AFTPH: variants seen among roughly 807,000 people sequenced by gnomAD.
AFTPH encodes the protein aftiphilin, also known as aftiphilin protein.
A neutral mutation model predicts 72.5 loss-of-function variants in AFTPH; 7 were observed. The observed-to-expected ratio is 0.10, with a 90% CI of 0.05 to 0.18. The LOEUF (loss-of-function observed/expected upper bound fraction) is 0.18, where lower values mean the gene tolerates loss of function less well. Ranked by LOEUF, AFTPH falls within the 10% of genes least tolerant of loss-of-function variation. The pLI is 1.00. For missense variants in AFTPH, 979 were observed against 1,060.5 expected, an observed-to-expected ratio of 0.92 and a Z score of 1.07; for synonymous variants, 337 against 370.1, an observed-to-expected ratio of 0.91 and a Z score of 1.03.
intron 1 of AFTPH, among the ~76,000 whole-genome samples, chr2:64,535,392 G>A (rs1010648697): frequency 6.6e-6 from 1 of 152,160 alleles, no homozygotes; most frequent in African/African-American, 2.4e-5. Context: ...AAAAAAACAT[G>A]GAAACAAATG....
chr2:64,528,261 C>T (rs1286341976), intron 1 of AFTPH, among the ~76,000 whole-genome samples: 1 of 152,140 alleles, frequency 6.6e-6, no homozygotes, highest in Non-Finnish European at 1.5e-5. Flanking sequence ...TATCTACTGA[C>T]ACCATGCATG....
chr2:64,544,108 C>T (rs951054375), intron 1 of AFTPH, among the ~76,000 whole-genome samples: 3 of 152,152 alleles, frequency 2.0e-5, no homozygotes, highest in Non-Finnish European at 4.4e-5. Context: ...TTTCCTGGTT[C>T]GTAGCCCTGA....
chr2:64,588,548 A>G (rs1428574058), intron 8 of AFTPH, among the ~76,000 whole-genome samples: 1 of 152,204 alleles, frequency 6.6e-6, no homozygotes, highest in African/African-American at 2.4e-5. Flanking sequence ...CCAGTAATAT[A>G]CATTCCAAGT....
intron 1 of AFTPH, among the ~76,000 whole-genome samples, chr2:64,547,932 A>G (rs947593652): frequency 1.4e-4 from 22 of 151,894 alleles, no homozygotes; most frequent in Non-Finnish European, 5.9e-5. Context: ...CTACAGGTGC[A>G]TGCCACCATG....
intron 2 of AFTPH, among the ~76,000 whole-genome samples, chr2:64,558,762 C>T (rs1469402837): frequency 6.6e-6 from 1 of 152,166 alleles, no homozygotes; most frequent in African/African-American, 2.4e-5. Context: ...ATTCTTTTTG[C>T]AATCTACTTA....
intron 1 of AFTPH, 45 bp from the exon 2 acceptor site, chr2:64,551,398 T>G: frequency 7.1e-7 from 1 of 1,413,788 alleles, no homozygotes. Flanking sequence ...GATCTTGTTC[T>G]ATGTAATCTG....
chr2:64,565,041 G>A (rs936901203), intron 2 of AFTPH, among the ~76,000 whole-genome samples: 1 of 151,802 alleles, frequency 6.6e-6, no homozygotes, highest in Non-Finnish European at 1.5e-5. Flanking sequence ...GTTTCACCAT[G>A]TTGGCCAGGC....
chr2:64,530,456 G>A (rs1042560588), intron 1 of AFTPH, among the ~76,000 whole-genome samples: 1 of 152,002 alleles, frequency 6.6e-6, no homozygotes, highest in Non-Finnish European at 1.5e-5. Flanking sequence ...GCTTATTATA[G>A]AAAATTTGGG....
intron 6 of AFTPH, among the ~76,000 whole-genome samples, chr2:64,578,082 C>T (rs1159172175): frequency 6.6e-6 from 1 of 152,162 alleles, no homozygotes; most frequent in Non-Finnish European, 1.5e-5. Flanking sequence ...TTGGTTTATA[C>T]CTTGCTCCAG....
At chr2:64,563,917 T>C (rs780178125) in intron 2 of AFTPH, among the ~76,000 whole-genome samples, 3 of 152,212 alleles carry the variant, frequency 2.0e-5, no homozygotes, top group African/African-American at 7.2e-5. Context: ...AGAAGCAAAG[T>C]ATTCTTAATG....
chr2:64,576,074 TACACACACACACACACACACACAC>T (rs55774717), intron 6 of AFTPH, among the ~76,000 whole-genome samples: 56 of 127,762 alleles, frequency 4.4e-4, no homozygotes, highest in East Asian at 7.0e-4. Context: ...TTTGGCATGC[TACACACACACACACACACACACAC>T]ACACACACAC....
At chr2:64,558,012 T>A (rs1461834122) in intron 2 of AFTPH, among the ~76,000 whole-genome samples, 1 of 152,212 alleles carries the variant, frequency 6.6e-6, no homozygotes, top group Non-Finnish European at 1.5e-5. Context: ...GATTGGTAAG[T>A]ATACAGTTGT....
At chr2:64,542,874 G>A (rs1474282005) in intron 1 of AFTPH, among the ~76,000 whole-genome samples, 1 of 152,212 alleles carries the variant, frequency 6.6e-6, no homozygotes, top group East Asian at 1.9e-4. Flanking sequence ...TAGCCACAGA[G>A]TTGGTGAAAG....
intron 1 of AFTPH, among the ~76,000 whole-genome samples, chr2:64,545,207 A>G (rs1670500921): frequency 6.6e-6 from 1 of 152,148 alleles, no homozygotes. Flanking sequence ...AAAGTAAGGT[A>G]TTATGAGCAT....
At chr2:64,552,017 T>G (rs1423414158) in exon 2 of AFTPH, 2 of 1,613,944 alleles carry the variant, frequency 1.2e-6, no homozygotes, top group East Asian at 2.2e-5. Flanking sequence ...GTCTGGAGAT[T>G]CTAACAAATG....
chr2:64,534,435 A>G (rs1056623612), intron 1 of AFTPH, among the ~76,000 whole-genome samples: 6 of 152,166 alleles, frequency 3.9e-5, no homozygotes, highest in African/African-American at 1.2e-4. Flanking sequence ...CCTGAAGCCC[A>G]AACAGAATAT....
intron 1 of AFTPH, among the ~76,000 whole-genome samples, chr2:64,529,235 G>A (rs1669457764): frequency 6.6e-6 from 1 of 151,712 alleles, no homozygotes; most frequent in Non-Finnish European, 1.5e-5. Context: ...CCTTGATAGG[G>A]GCCCCATGCT....
chr2:64,576,172 G>T (rs12713519), intron 6 of AFTPH, among the ~76,000 whole-genome samples: 73,267 of 144,178 alleles, frequency 0.51, 20,496 homozygotes, highest in African/African-American at 0.77. Context: ...TATATATATG[G>T]ATTTACATAT....
At chr2:64,590,413 A>G (rs1482114280) in intron 8 of AFTPH, among the ~76,000 whole-genome samples, 2 of 152,212 alleles carry the variant, frequency 1.3e-5, no homozygotes, top group Non-Finnish European at 2.9e-5. Flanking sequence ...GTTATATCAC[A>G]TCAGAAGATC....
Sources: allele counts gnomAD v4.1 joint callset (sites outside exome capture counted in the v4.1 genomes callset), GRCh38; gene constraint gnomAD v4.1.1; transcripts MANE v1.5; gene names NCBI Gene and HGNC (gene_info 2026-07-23, HGNC 2026-07-21).